The following TENM1 variants were observed in gnomAD, a reference collection of about 807,000 sequenced individuals.
The protein encoded by TENM1 is teneurin transmembrane protein 1, also known as teneurin-1.
Under a neutral mutation model 174.8 loss-of-function variants are expected in TENM1, and 35 were observed. The ratio of observed to expected loss-of-function variants is 0.20; its 90% CI spans 0.15 to 0.27. TENM1 has a LOEUF of 0.27. Ranked by LOEUF, TENM1 falls within the 10% of genes least tolerant of loss-of-function variation. The pLI is 1.00. For synonymous variants in TENM1, 781 were observed against 798.7 expected, an observed-to-expected ratio of 0.98 and a Z score of 0.37; for missense variants, 1,633 against 2,130.1, an observed-to-expected ratio of 0.77 and a Z score of 4.59.
chrX:124,857,211 T>C (rs936734004), intron 3 of TENM1, among the ~76,000 whole-genome samples: 10 of 110,939 alleles, frequency 9.0e-5, no homozygotes, highest in Middle Eastern at 4.6e-3. Context: ...CAGTAGAACA[T>C]ATAATTATCA....
chrX:124,846,053 G>T (rs1248942510), intron 3 of TENM1, among the ~76,000 whole-genome samples: 1 of 110,145 alleles, frequency 9.1e-6, no homozygotes. Context: ...TTCTTAGGGG[G>T]AGTGGGGTAG....
intron 3 of TENM1, among the ~76,000 whole-genome samples, chrX:124,820,670 T>C (rs1428999592): frequency 2.7e-5 from 3 of 112,566 alleles, no homozygotes; most frequent in Non-Finnish European, 5.6e-5. Context: ...TATGGTTACA[T>C]AGTTCAAATA....
At chrX:124,633,860 A>G (rs898324587) in intron 11 of TENM1, among the ~76,000 whole-genome samples, 1 of 111,022 alleles carries the variant, frequency 9.0e-6, no homozygotes, top group African/African-American at 3.3e-5. Context: ...TTTGACTTGG[A>G]ATTGTCTTAA....
the TENM1 span, among the ~76,000 whole-genome samples, chrX:125,043,944 C>T: frequency 5.8e-5 from 1 of 17,276 alleles, no homozygotes; most frequent in African/African-American, 2.8e-4. Flanking sequence ...TATTCTCACT[C>T]ATAGGTGGGA....
intron 4 of TENM1, among the ~76,000 whole-genome samples, chrX:124,723,300 A>T (rs1332301674): frequency 8.9e-6 from 1 of 111,993 alleles, no homozygotes; most frequent in African/African-American, 3.2e-5. Flanking sequence ...GTCTCTTCTC[A>T]TCCATAGTTT....
chrX:124,960,849 T>C (rs2147810417), intron 1 of TENM1, among the ~76,000 whole-genome samples: 1 of 111,990 alleles, frequency 8.9e-6, no homozygotes, highest in Admixed American at 9.5e-5. Flanking sequence ...GCCAAAAACA[T>C]TTCCATAGGA....
the TENM1 span, among the ~76,000 whole-genome samples, chrX:125,009,108 T>TC: frequency 3.0e-5 from 3 of 101,123 alleles, no homozygotes; most frequent in African/African-American, 1.1e-4. Flanking sequence ...TTTTTTTTTT[T>TC]TTTCCGGAAA....
chrX:124,615,679 CCT>C (rs780395484), intron 11 of TENM1, among the ~76,000 whole-genome samples: 8 of 111,623 alleles, frequency 7.2e-5, no homozygotes, highest in African/African-American at 1.3e-4. Flanking sequence ...TGTCCTTTTT[CCT>C]CTCTTTCTGT....
rs150433574 is a variant in TENM1, at chrX:124,623,354, G to C, written c.2077+18437C>G. The stretch of plus-strand genomic sequence containing the variant: ...TGCATGTACATGAGTGTGTGCATGA[G>C]TGTGTTTGGGTGTATGTGTGTTCGT... On this transcript the variant is annotated intron_variant, in intron 11 of 31. Coordinates refer to ENST00000422452, the Ensembl canonical transcript of TENM1. Among the ~76,000 whole-genome samples the C allele has an allele frequency of 1.4e-3, 154 of 111,794 alleles. 4 individuals are homozygous for C. The East Asian group carries it at 0.037, about 27-fold the overall frequency.
intron 3 of TENM1, among the ~76,000 whole-genome samples, chrX:124,855,510 A>G (rs1013465975): frequency 2.7e-5 from 3 of 111,538 alleles, no homozygotes; most frequent in Admixed American, 1.9e-4. Context: ...GGAAACATAG[A>G]CTTAAAAAAG....
chrX:124,751,460 T>C (rs780357023), intron 3 of TENM1, among the ~76,000 whole-genome samples: 5 of 111,591 alleles, frequency 4.5e-5, no homozygotes, highest in African/African-American at 1.6e-4. Context: ...TCACTACATA[T>C]GTCACTCAGT....
At chrX:124,534,570 GAA>G (rs951042508) in intron 15 of TENM1, among the ~76,000 whole-genome samples, 1 of 112,428 alleles carries the variant, frequency 8.9e-6, no homozygotes, top group Non-Finnish European at 1.9e-5. Flanking sequence ...CTCAGGGCTA[GAA>G]AAGTTACAGC....
exon 32 of TENM1, chrX:124,380,633 T>G (rs763688189): frequency 8.3e-7 from 1 of 1,211,390 alleles, no homozygotes; most frequent in Non-Finnish European, 1.1e-6. Context: ...AAAATACCCA[T>G]CGTAACCTTG....
chrX:124,701,069 T>C (rs1438875533), intron 5 of TENM1, among the ~76,000 whole-genome samples: 4 of 111,446 alleles, frequency 3.6e-5, no homozygotes, highest in African/African-American at 1.3e-4. Context: ...TTAATATCCA[T>C]TGTGGTCAGC....
intron 1 of TENM1, among the ~76,000 whole-genome samples, chrX:124,930,155 C>T (rs1042392249): frequency 5.4e-5 from 6 of 110,759 alleles, no homozygotes; most frequent in Admixed American, 3.8e-4. Context: ...GACAAGCATA[C>T]GGCCCACCCA....
chrX:125,020,382 C>T, the TENM1 span, among the ~76,000 whole-genome samples: 33 of 110,105 alleles, frequency 3.0e-4, 1 homozygote, highest in Non-Finnish European at 2.8e-4. Context: ...TGAATGGATC[C>T]GCTAACTCCA....
chrX:125,192,138 C>A, the TENM1 span, among the ~76,000 whole-genome samples: 1 of 109,458 alleles, frequency 9.1e-6, no homozygotes, highest in Non-Finnish European at 1.9e-5. Context: ...TATTTTAAAA[C>A]AAAAGTAAAG....
intron 1 of TENM1, among the ~76,000 whole-genome samples, chrX:124,941,634 C>T (rs995112229): frequency 1.8e-5 from 2 of 111,780 alleles, no homozygotes; most frequent in East Asian, 5.6e-4. Flanking sequence ...AAACTACAGC[C>T]CTGTGAAGTC....
chrX:124,598,759 G>A (rs1489661931), intron 11 of TENM1, among the ~76,000 whole-genome samples: 3 of 111,212 alleles, frequency 2.7e-5, no homozygotes, highest in Non-Finnish European at 5.7e-5. Flanking sequence ...AGTGGGGTTT[G>A]GCTGAATGGT....
Sources: allele counts gnomAD v4.1 joint callset (sites outside exome capture counted in the v4.1 genomes callset), GRCh38; gene constraint gnomAD v4.1.1; transcripts MANE v1.5; gene names NCBI Gene and HGNC (gene_info 2026-07-23, HGNC 2026-07-21).